GPR89A: variants seen among roughly 807,000 people sequenced by gnomAD.
The protein encoded by GPR89A is golgi pH regulator A, also known as G protein-coupled receptor 89A.
GPR89A carries 16 observed loss-of-function variants against 52.0 expected under a neutral mutation model. That is an observed-to-expected ratio of 0.31 (90% CI 0.21 to 0.47). The LOEUF is 0.47. Among genes scored for constraint, GPR89A ranks in the 20% least tolerant of loss-of-function variants. The pLI, the probability that GPR89A is intolerant of heterozygous loss-of-function variation, is 1.00. For synonymous variants in GPR89A, 55 were observed against 150.9 expected, an observed-to-expected ratio of 0.36 and a Z score of 4.66; for missense variants, 135 against 449.4, an observed-to-expected ratio of 0.30 and a Z score of 6.33.
At chr1:145,662,546 A>G (rs1486684408) in intron 10 of GPR89A, among the ~76,000 whole-genome samples, 3 of 152,040 alleles carry the variant, frequency 2.0e-5, no homozygotes, top group South Asian at 4.2e-4. Context: ...CAATCTAACA[A>G]CCTCTGCCAT....
At chr1:145,629,372 G>A (rs1649740262) in intron 5 of GPR89A, among the ~76,000 whole-genome samples, 1 of 152,140 alleles carries the variant, frequency 6.6e-6, no homozygotes. Context: ...CCATAGTGTA[G>A]AGTGAAGGTA....
chr1:145,668,751 T>C (rs1361178335), intron 12 of GPR89A, among the ~76,000 whole-genome samples: 2 of 152,202 alleles, frequency 1.3e-5, no homozygotes, highest in African/African-American at 2.4e-5. Flanking sequence ...GTCCCATCAA[T>C]ACCTAATTTA....
At chr1:145,662,658 A>G (rs1166862919) in intron 10 of GPR89A, among the ~76,000 whole-genome samples, 1 of 152,134 alleles carries the variant, frequency 6.6e-6, no homozygotes, top group Non-Finnish European at 1.5e-5. Context: ...AACGCAGCCA[A>G]GTCCATTCAT....
intron 10 of GPR89A, among the ~76,000 whole-genome samples, chr1:145,650,153 C>T (rs1339755852): frequency 1.3e-5 from 2 of 151,856 alleles, no homozygotes; most frequent in African/African-American, 2.4e-5. Context: ...CCGCCTTCGA[C>T]AGGTCCCAGT....
intron 10 of GPR89A, among the ~76,000 whole-genome samples, chr1:145,660,842 T>G (rs1277129268): frequency 6.6e-6 from 1 of 151,228 alleles, no homozygotes; most frequent in Non-Finnish European, 1.5e-5. Context: ...ACAGGAACAC[T>G]TTTACACTGT....
chr1:145,654,425 C>T (rs1471400145), intron 10 of GPR89A, among the ~76,000 whole-genome samples: 1 of 151,538 alleles, frequency 6.6e-6, no homozygotes, highest in African/African-American at 2.4e-5. Context: ...TGGTGGCAGG[C>T]GCCTGTAGTC....
At chr1:145,616,866 A>T (rs1168628610) in intron 2 of GPR89A, among the ~76,000 whole-genome samples, 1 of 152,200 alleles carries the variant, frequency 6.6e-6, no homozygotes, top group East Asian at 1.9e-4. Flanking sequence ...TAGGGATTTC[A>T]AAAGGGGAGG....
At chr1:145,660,740 T>C (rs1652135018) in intron 10 of GPR89A, among the ~76,000 whole-genome samples, 1 of 151,444 alleles carries the variant, frequency 6.6e-6, no homozygotes, top group Non-Finnish European at 1.5e-5. Flanking sequence ...GAAATGCAAA[T>C]CAAAACCACA....
At chr1:145,611,180 G>A (rs1474048104) in intron 1 of GPR89A, among the ~76,000 whole-genome samples, 1 of 141,050 alleles carries the variant, frequency 7.1e-6, no homozygotes, top group African/African-American at 2.8e-5. Context: ...GTGTGTGTGT[G>A]TAGTTTAAGT....
At chr1:145,666,989 T>C (rs1365228391) in intron 12 of GPR89A, among the ~76,000 whole-genome samples, 1 of 152,144 alleles carries the variant, frequency 6.6e-6, no homozygotes, top group Admixed American at 6.5e-5. Context: ...GTCTTTGCTA[T>C]TGTGAATAGA....
At chr1:145,621,734 C>A (rs1393849916) in intron 3 of GPR89A, among the ~76,000 whole-genome samples, 2 of 151,938 alleles carry the variant, frequency 1.3e-5, no homozygotes, top group African/African-American at 2.4e-5. Context: ...ATAGTTTAAT[C>A]ATATAATACA....
At chr1:145,611,794 A>G (rs587675830) in intron 1 of GPR89A, among the ~76,000 whole-genome samples, 1 of 151,732 alleles carries the variant, frequency 6.6e-6, no homozygotes, top group Non-Finnish European at 1.5e-5. Context: ...TATGGTCTCT[A>G]AACTCTGAAT....
At chr1:145,647,946 CTG>C (rs1171030986) in intron 10 of GPR89A, among the ~76,000 whole-genome samples, 1 of 134,838 alleles carries the variant, frequency 7.4e-6, no homozygotes, top group Non-Finnish European at 1.6e-5. Context: ...ATTCTGCTTT[CTG>C]TGTTACCCAT....
chr1:145,616,879 G>A (rs1430445617), intron 2 of GPR89A, among the ~76,000 whole-genome samples: 1 of 152,186 alleles, frequency 6.6e-6, no homozygotes, highest in Non-Finnish European at 1.5e-5. Context: ...AGGGGAGGGA[G>A]TGTACGAATA....
chr1:145,622,976 G>C (rs1345711904), intron 3 of GPR89A, 78 bp from the exon 4 acceptor site: 2 of 1,595,366 alleles, frequency 1.3e-6, no homozygotes, highest in Admixed American at 1.7e-5. Context: ...AGAGCAAAAG[G>C]ACCCTTTGGA....
intron 3 of GPR89A, among the ~76,000 whole-genome samples, chr1:145,620,976 AT>A (rs879955098): frequency 1.1e-4 from 17 of 152,330 alleles, no homozygotes; most frequent in Admixed American, 4.6e-4. Context: ...ACTATGTAGT[AT>A]TGCCTGGAGG....
At chr1:145,643,229 G>C (rs1650778834) in intron 7 of GPR89A, among the ~76,000 whole-genome samples, 1 of 151,900 alleles carries the variant, frequency 6.6e-6, no homozygotes, top group South Asian at 2.1e-4. Context: ...GCAGTGGTGT[G>C]ATCTCAGCTC....
intron 5 of GPR89A, among the ~76,000 whole-genome samples, chr1:145,626,118 A>G (rs1649480653): frequency 1.3e-5 from 2 of 150,738 alleles, no homozygotes; most frequent in Non-Finnish European, 2.9e-5. Context: ...GAGTCCTGGT[A>G]GTATAGTTCT....
chr1:145,632,946 G>C (rs1649983916), intron 7 of GPR89A, among the ~76,000 whole-genome samples: 1 of 151,776 alleles, frequency 6.6e-6, no homozygotes, highest in Non-Finnish European at 1.5e-5. Context: ...CATTCTGACA[G>C]GTATGAGGTG....
Sources: gnomAD v4.1 joint callset for allele counts (sites outside exome capture counted in the v4.1 genomes callset) on GRCh38, gnomAD v4.1.1 for gene constraint, MANE v1.5 for transcripts, NCBI Gene and HGNC (gene_info 2026-07-23, HGNC 2026-07-21) for gene names.